SIPA1L1: variants seen among roughly 807,000 people sequenced by gnomAD.
SIPA1L1 encodes the protein signal-induced proliferation-associated 1-like protein 1.
SIPA1L1 carries 26 observed loss-of-function variants against 162.7 expected under a neutral mutation model. The observed-to-expected ratio is 0.16, with a 90% CI of 0.12 to 0.22. SIPA1L1 has a LOEUF of 0.22. Ranked by LOEUF, SIPA1L1 falls within the 10% of genes least tolerant of loss-of-function variation. The probability of loss-of-function intolerance (pLI) is 1.00; values close to 1 mark genes in which losing one functional copy is unlikely to be tolerated. For synonymous variants in SIPA1L1, 829 were observed against 837.4 expected (o/e 0.99, Z 0.17); for missense variants, 1,874 against 2,241.0 (o/e 0.84, Z 3.31).
At chr14:71,335,095 T>A (rs1161730114) in intron 2 of SIPA1L1, among the ~76,000 whole-genome samples, 1 of 152,022 alleles carries the variant, frequency 6.6e-6, no homozygotes, top group Non-Finnish European at 1.5e-5. Flanking sequence ...GCTCAGGAGA[T>A]CAAGACCATC....
At chr14:71,469,655 T>C (rs764305826) in intron 2 of SIPA1L1, among the ~76,000 whole-genome samples, 7 of 152,156 alleles carry the variant, frequency 4.6e-5, no homozygotes, top group Non-Finnish European at 8.8e-5. Flanking sequence ...GGTCTGGACT[T>C]TACTACAGTG....
chr14:71,492,787 G>T (rs1236625835), intron 2 of SIPA1L1, among the ~76,000 whole-genome samples: 1 of 147,612 alleles, frequency 6.8e-6, no homozygotes, highest in Non-Finnish European at 1.5e-5. Context: ...TGCCTGGCTA[G>T]ATTTTTTTTT....
chr14:71,553,636 G>A (rs2056077861), intron 4 of SIPA1L1, among the ~76,000 whole-genome samples: 1 of 152,142 alleles, frequency 6.6e-6, no homozygotes, highest in South Asian at 2.1e-4. Flanking sequence ...CTGAGATAAG[G>A]TAAAATATAC....
chr14:71,599,303 A>G (rs1369959626), intron 5 of SIPA1L1, among the ~76,000 whole-genome samples: 1 of 151,536 alleles, frequency 6.6e-6, no homozygotes, highest in African/African-American at 2.4e-5. Context: ...GGCATGCGCC[A>G]CCATGCCTGG....
At chr14:71,574,959 A>G (rs919623402) in intron 4 of SIPA1L1, 1 of 152,168 alleles carries the variant, frequency 6.6e-6, no homozygotes. Flanking sequence ...AACTGGAAGG[A>G]TGTGGTATGC....
At chr14:71,688,455 C>T (rs142905546) in intron 13 of SIPA1L1, among the ~76,000 whole-genome samples, 233 of 152,318 alleles carry the variant, frequency 1.5e-3, no homozygotes, top group Non-Finnish European at 2.7e-3. Context: ...GAGGATAGAG[C>T]AGATTCATGA....
At chr14:71,452,065 T>C (rs2141576472) in intron 2 of SIPA1L1, among the ~76,000 whole-genome samples, 1 of 152,282 alleles carries the variant, frequency 6.6e-6, no homozygotes, top group East Asian at 1.9e-4. Context: ...GAAAAGCAGA[T>C]AGATCCTACG....
At position 71,705,320 on chromosome 14, in the gene SIPA1L1, T is replaced by C. The variant is rs767348846; in HGVS notation, c.3745T>C (p.Ser1249Pro). The C allele has an allele frequency of 5.0e-6, 8 of 1,613,790 alleles. No individual in the cohort carries two copies. The highest frequency in any genetic ancestry group is 6.8e-6 in the Non-Finnish European group (8 of 1,179,672). ...GCGGCAGGATCCAGTGGTTCATTTG[T>C]CTCCAAACAAACAAGGGCATGTAAG... ...LMRQDPVVHL[S>P]PNKQGHSDSH... The change falls in exon 16 of 24, where the codon TCT becomes CCT. Residue 1249 changes from serine to proline, a missense_variant. Physicochemically the swap from Ser to Pro is moderately conservative, Grantham distance 74. This residue lies in a region of SIPA1L1 where 936 missense variants were observed against 1,051.9 expected (regional missense o/e 0.89). Transcript: ENST00000381232.
intron 2 of SIPA1L1, among the ~76,000 whole-genome samples, chr14:71,392,876 G>C (rs1039074932): frequency 6.6e-6 from 1 of 152,180 alleles, no homozygotes; most frequent in Non-Finnish European, 1.5e-5. Context: ...TAAATACAGG[G>C]ATTATGTATT....
At chr14:71,494,551 C>CGG (rs1457258151) in intron 2 of SIPA1L1, among the ~76,000 whole-genome samples, 1 of 134,718 alleles carries the variant, frequency 7.4e-6, no homozygotes, top group Non-Finnish European at 1.6e-5. Flanking sequence ...GAGACAGGGT[C>CGG]TTACTTACTG....
At chr14:71,400,862 A>G (rs966215480) in intron 2 of SIPA1L1, 6 of 152,074 alleles carry the variant, frequency 3.9e-5, no homozygotes, top group Non-Finnish European at 4.4e-5. Flanking sequence ...CTTCTGTTGG[A>G]GTGCATATCA....
At chr14:71,605,041 A>G (rs994955974) in intron 5 of SIPA1L1, among the ~76,000 whole-genome samples, 3 of 151,926 alleles carry the variant, frequency 2.0e-5, no homozygotes, top group Non-Finnish European at 4.4e-5. Context: ...ATTGCTTTAT[A>G]ATGTCTCATG....
At chr14:71,601,628 A>G (rs541898385) in intron 5 of SIPA1L1, among the ~76,000 whole-genome samples, 3 of 152,256 alleles carry the variant, frequency 2.0e-5, no homozygotes, top group East Asian at 3.9e-4. Flanking sequence ...GTAGAATTCC[A>G]TCTTCTTCAG....
At chr14:71,577,068 G>GTGAGATTTGTCTC (rs2033146840) in intron 4 of SIPA1L1, among the ~76,000 whole-genome samples, 1 of 64,422 alleles carries the variant, frequency 1.6e-5, no homozygotes, top group Non-Finnish European at 3.2e-5. Flanking sequence ...GGGTGACAGA[G>GTGAGATTTGTCTC]CAAAAAAAAA....
intron 6 of SIPA1L1, among the ~76,000 whole-genome samples, chr14:71,620,836 A>G (rs1008412850): frequency 6.6e-6 from 1 of 152,092 alleles, no homozygotes; most frequent in African/African-American, 2.4e-5. Flanking sequence ...TAGTCATAAG[A>G]TTCTCTTCTT....
chr14:71,395,034 A>T (rs2141413942), intron 2 of SIPA1L1, among the ~76,000 whole-genome samples: 1 of 152,356 alleles, frequency 6.6e-6, no homozygotes. Flanking sequence ...GCATAATTAT[A>T]GCCAAATGTG....
chr14:71,716,948 G>A (rs1284542715), intron 17 of SIPA1L1, among the ~76,000 whole-genome samples: 1 of 152,200 alleles, frequency 6.6e-6, no homozygotes. Context: ...TTGCCAGGCT[G>A]GAGTGCAGTA....
chr14:71,640,068 T>C (rs2041555790), intron 7 of SIPA1L1, among the ~76,000 whole-genome samples: 1 of 152,096 alleles, frequency 6.6e-6, no homozygotes, highest in Non-Finnish European at 1.5e-5. Context: ...CACACCCGGC[T>C]AATTTTTGTA....
intron 8 of SIPA1L1, among the ~76,000 whole-genome samples, chr14:71,657,058 A>T (rs1372757587): frequency 5.3e-5 from 8 of 152,212 alleles, no homozygotes; most frequent in Non-Finnish European, 1.0e-4. Flanking sequence ...TCCTCAAAAA[A>T]TAGGGTCGAG....
Sources: allele counts gnomAD v4.1 joint callset (sites outside exome capture counted in the v4.1 genomes callset), GRCh38; gene constraint gnomAD v4.1.1; regional missense constraint gnomAD v4.1.1; transcripts MANE v1.5; gene names NCBI Gene and HGNC (gene_info 2026-07-23, HGNC 2026-07-21).